LIN9: variants seen among roughly 807,000 people sequenced by gnomAD.
The protein encoded by LIN9 is lin-9 DREAM MuvB core complex component.
Under a neutral mutation model 78.0 loss-of-function variants are expected in LIN9, and 18 were observed. The ratio of observed to expected loss-of-function variants is 0.23; its 90% CI spans 0.16 to 0.34. LIN9 has a LOEUF of 0.34. LIN9 is among the 10% of genes least tolerant of loss of function. The pLI is 1.00. For missense variants in LIN9, 451 were observed against 644.1 expected, an observed-to-expected ratio of 0.70 and a Z score of 3.25; for synonymous variants, 192 against 215.2, an observed-to-expected ratio of 0.89 and a Z score of 0.94.
At chr1:226,246,716 C>G (rs1428099295) in intron 11 of LIN9, among the ~76,000 whole-genome samples, 1 of 146,830 alleles carries the variant, frequency 6.8e-6, no homozygotes, top group Non-Finnish European at 1.5e-5. Context: ...TGGTGTGAAT[C>G]TGGGAGTCGG....
intron 7 of LIN9, among the ~76,000 whole-genome samples, chr1:226,270,824 CAAA>C (rs764106581): frequency 2.7e-4 from 6 of 22,146 alleles, no homozygotes; most frequent in African/African-American, 6.2e-4. Context: ...GACTCTGTCT[CAAA>C]AAAAAAAAAA....
intron 6 of LIN9, among the ~76,000 whole-genome samples, chr1:226,283,970 G>A (rs951588393): frequency 1.3e-5 from 2 of 151,720 alleles, no homozygotes; most frequent in Non-Finnish European, 2.9e-5. Context: ...AGAGAGAAAG[G>A]CCTTTTCCAA....
chr1:226,308,270 C>A (rs1367362525), intron 1 of LIN9, among the ~76,000 whole-genome samples: 1 of 152,138 alleles, frequency 6.6e-6, no homozygotes, highest in Non-Finnish European at 1.5e-5. Flanking sequence ...TTTACTTACT[C>A]AACACAAGTG....
intron 7 of LIN9, among the ~76,000 whole-genome samples, chr1:226,272,927 G>T (rs1576321760): frequency 6.6e-6 from 1 of 150,800 alleles, no homozygotes; most frequent in Non-Finnish European, 1.5e-5. Context: ...TTCTCAAACT[G>T]TCTTTTTCTC....
At position 226,265,887 on chromosome 1, in the gene LIN9, C is replaced by G. The variant is rs962480444; in HGVS notation, c.937-253G>C. Among the ~76,000 whole-genome samples the G allele has an allele frequency of 6.6e-6, 1 of 151,954 alleles. No homozygotes were observed. Among genetic ancestry groups the G allele is most frequent in the South Asian group, 2.1e-4 (1 of 4,816 alleles). ...AGAGACGGCGTTTCACCATGTTGAT[C>G]AGGTTGGTCTCGAACTCCTGACCTC... On this transcript the variant is annotated intron_variant, in intron 9 of 14. Coordinates refer to ENST00000681046, the MANE Select transcript of LIN9 (RefSeq NM_001366245.2). This position sits in a 1 kb window ranked among gnomAD's most constrained non-coding sequence, Gnocchi z 4.1.
chr1:226,245,428 TC>T (rs34415897), intron 11 of LIN9, among the ~76,000 whole-genome samples: 86 of 150,956 alleles, frequency 5.7e-4, no homozygotes, highest in African/African-American at 1.5e-3. Flanking sequence ...TTGTCTTTTT[TC>T]CCCCCCCCCA....
intron 4 of LIN9, among the ~76,000 whole-genome samples, chr1:226,288,932 C>A (rs1661549594): frequency 6.6e-6 from 1 of 151,898 alleles, no homozygotes; most frequent in African/African-American, 2.4e-5. Flanking sequence ...AATAAATGCA[C>A]AAAAATATTT....
Position 226,307,947 on chromosome 1 carries a change from A to T in LIN9, c.31+1162T>A, listed in dbSNP as rs902255573. 3.3e-5 allele frequency among the ~76,000 whole-genome samples: 5 copies of T among 152,112 alleles called. No individual in the cohort carries two copies. The East Asian group carries it at 9.6e-4, about 29-fold the overall frequency. On this transcript the variant is annotated intron_variant, in intron 1 of 14. Coordinates refer to ENST00000681046, the MANE Select transcript of LIN9 (RefSeq NM_001366245.2). ...TCTCTATCAAATTTAAAACACAAAC[A>T]CTTTTAATACGACTTTTCACCAGCT... is the stretch of plus-strand genomic sequence containing the variant.
In LIN9 at chr1:226,231,286, A is replaced by G. The variant is rs1356839931; in HGVS notation, c.*1215T>C. 6.6e-6 allele frequency: 1 copy of G among 152,638 alleles called. No homozygotes were observed. The highest frequency in any genetic ancestry group is 1.5e-5 in the Non-Finnish European group (1 of 68,024). The allele number at this position is 152,638 out of a possible 1,614,324, so 9.5% of individuals were successfully genotyped here. ...AAAGTTCTGCAGTGGCACAATACCA[A>G]CAAAGAATACGGAAGCCTTTTTAAA... On this transcript the variant is annotated 3_prime_UTR_variant, in exon 15 of 15. Transcript: ENST00000681046.
At chr1:226,279,247 G>A (rs1231882708) in intron 6 of LIN9, among the ~76,000 whole-genome samples, 2 of 152,070 alleles carry the variant, frequency 1.3e-5, no homozygotes, top group South Asian at 2.1e-4. Context: ...TGGAAGAATT[G>A]CTTGAGCCCA....
intron 10 of LIN9, among the ~76,000 whole-genome samples, chr1:226,255,903 C>T (rs568938624): frequency 6.6e-6 from 1 of 151,632 alleles, no homozygotes; most frequent in South Asian, 2.1e-4. Context: ...AATGGAAATA[C>T]AAGGAGAGGA....
In LIN9 at chr1:226,286,326, T is replaced by C; in HGVS notation, c.524+7A>G. On this transcript the variant is annotated splice_region_variant and intron_variant, in intron 6 of 14. Coordinates refer to ENST00000681046, the MANE Select transcript of LIN9 (RefSeq NM_001366245.2). ...ATTTTAAACAAAAACAAAAACATTATTTTTACCTCCGTGGTTTTCCCATAA... is the reference window on the plus strand; with the variant it reads ...ATTTTAAACAAAAACAAAAACATTACTTTTACCTCCGTGGTTTTCCCATAA... The C allele has an allele frequency of 6.2e-7, 1 of 1,604,178 alleles. No individual in the cohort carries two copies. The highest frequency in any genetic ancestry group is 8.5e-7 in the Non-Finnish European group (1 of 1,177,548).
At chr1:226,241,128 T>C (rs1658080019) in intron 11 of LIN9, among the ~76,000 whole-genome samples, 1 of 152,214 alleles carries the variant, frequency 6.6e-6, no homozygotes, top group Non-Finnish European at 1.5e-5. Flanking sequence ...CAGGACATCC[T>C]ACTTTTAGTT....
chr1:226,236,402 T>C (rs550546424), intron 12 of LIN9, among the ~76,000 whole-genome samples: 12 of 152,028 alleles, frequency 7.9e-5, no homozygotes, highest in Admixed American at 2.0e-4. Context: ...TTTTGAGCTT[T>C]ATAAAAATGT....
At chr1:226,309,367 C>T, upstream of LIN9, 1 of 988,848 alleles carries the variant, frequency 1.0e-6, no homozygotes, top group Non-Finnish European at 1.2e-6. Flanking sequence ...CCGCCTCCGG[C>T]CGAGCCGGGC....
At chr1:226,236,916 G>A (rs1221027288) in intron 12 of LIN9, among the ~76,000 whole-genome samples, 1 of 152,162 alleles carries the variant, frequency 6.6e-6, no homozygotes, top group Non-Finnish European at 1.5e-5. Flanking sequence ...TGGGTACTTT[G>A]TGATTTCTGG....
chr1:226,253,002 C>T (rs1658938603), intron 10 of LIN9, among the ~76,000 whole-genome samples: 1 of 151,878 alleles, frequency 6.6e-6, no homozygotes, highest in Admixed American at 6.6e-5. Flanking sequence ...GTGGCTCACA[C>T]CTATAATCCC....
At chr1:226,268,237 G>A (rs765918290) in intron 7 of LIN9, 147 bp from the exon 8 acceptor site, 1 of 628,280 alleles carries the variant, frequency 1.6e-6, no homozygotes, top group East Asian at 3.3e-5. Context: ...TTTTGGCTTA[G>A]AGAAACAACA....
At chr1:226,278,394 A>C (rs1208876315) in intron 6 of LIN9, among the ~76,000 whole-genome samples, 1 of 151,644 alleles carries the variant, frequency 6.6e-6, no homozygotes, top group Non-Finnish European at 1.5e-5. Flanking sequence ...GCGCCACTGC[A>C]CTCCAGCCTG....
Sources: gnomAD v4.1 joint callset for allele counts (sites outside exome capture counted in the v4.1 genomes callset) on GRCh38, gnomAD v4.1.1 for gene constraint, Gnocchi (gnomAD v3.1) non-coding constraint, MANE v1.5 for transcripts, NCBI Gene and HGNC (gene_info 2026-07-23, HGNC 2026-07-21) for gene names.